Variants in SETBP1 observed in about 807,000 individuals in gnomAD.
The protein encoded by SETBP1 is SET binding protein 1.
In SETBP1, 9 loss-of-function variants were observed where a neutral mutation model predicts 101.0. The observed-to-expected ratio is 0.09, with a 90% CI of 0.05 to 0.16. The LOEUF is 0.16. Ranked by LOEUF, SETBP1 falls within the 10% of genes least tolerant of loss-of-function variation. The pLI is 1.00. For missense variants in SETBP1, 1,858 were observed against 2,033.8 expected (o/e 0.91, Z 1.66); for synonymous variants, 818 against 788.5 (o/e 1.04, Z -0.63).
intron 2 of SETBP1, among the ~76,000 whole-genome samples, chr18:44,776,079 C>G (rs991010451): frequency 6.6e-6 from 1 of 152,186 alleles, no homozygotes; most frequent in African/African-American, 2.4e-5. Context: ...GTGTGGCTAT[C>G]TGTGTGTAGC....
At chr18:44,851,602 G>A (rs1364617198) in intron 2 of SETBP1, among the ~76,000 whole-genome samples, 2 of 152,052 alleles carry the variant, frequency 1.3e-5, no homozygotes, top group East Asian at 3.9e-4. Flanking sequence ...CTCTCTCCTG[G>A]TCTCTTCCTT....
chr18:44,829,805 C>T (rs1443763757), intron 2 of SETBP1, among the ~76,000 whole-genome samples: 1 of 152,180 alleles, frequency 6.6e-6, no homozygotes, highest in Non-Finnish European at 1.5e-5. Flanking sequence ...TGGCCATGCT[C>T]AAGGCCAGAT....
chr18:44,869,555 T>G, intron 3 of SETBP1: 1 of 412,000 alleles, frequency 2.4e-6, no homozygotes, highest in Non-Finnish European at 4.6e-6. Flanking sequence ...TGTTAAGTGT[T>G]GGGGATTCAG....
At chr18:44,691,964 C>T (rs2068941985) in intron 1 of SETBP1, among the ~76,000 whole-genome samples, 2 of 152,240 alleles carry the variant, frequency 1.3e-5, no homozygotes, top group African/African-American at 4.8e-5. Flanking sequence ...TGTGGAATTC[C>T]TGACTGTACC....
chr18:44,961,759 C>T (rs538095544), intron 4 of SETBP1, among the ~76,000 whole-genome samples: 2 of 152,326 alleles, frequency 1.3e-5, no homozygotes, highest in East Asian at 3.9e-4. Flanking sequence ...CTCACAGACA[C>T]ACAGGCACAT....
At chr18:44,782,466 G>C (rs904177496) in intron 2 of SETBP1, among the ~76,000 whole-genome samples, 4 of 152,106 alleles carry the variant, frequency 2.6e-5, no homozygotes, top group African/African-American at 9.7e-5. Context: ...ACCTCATAGA[G>C]GAAGGAAAGA....
At chr18:44,942,009 T>C (rs2145051324) in intron 3 of SETBP1, among the ~76,000 whole-genome samples, 1 of 152,336 alleles carries the variant, frequency 6.6e-6, no homozygotes, top group African/African-American at 2.4e-5. Context: ...GTGTTCTGGA[T>C]ATTGTGGATG....
chr18:44,988,878 A>T (rs1237085671), intron 4 of SETBP1: 3 of 152,218 alleles, frequency 2.0e-5, no homozygotes, highest in Non-Finnish European at 2.9e-5. Context: ...GCAGGGTCAA[A>T]ATAGGTACTT....
At chr18:44,983,764 A>G (rs886211474) in intron 4 of SETBP1, among the ~76,000 whole-genome samples, 2 of 152,178 alleles carry the variant, frequency 1.3e-5, no homozygotes, top group South Asian at 2.1e-4. Context: ...CTGTGATGGT[A>G]TGGAACTTTG....
chr18:44,782,932 G>C (rs1413095803), intron 2 of SETBP1, among the ~76,000 whole-genome samples: 1 of 151,992 alleles, frequency 6.6e-6, no homozygotes, highest in Non-Finnish European at 1.5e-5. Flanking sequence ...TTAATTTTTG[G>C]GGGTACGTAG....
chr18:44,893,046 G>T (rs1373099090), intron 3 of SETBP1, among the ~76,000 whole-genome samples: 1 of 152,040 alleles, frequency 6.6e-6, no homozygotes, highest in East Asian at 1.9e-4. Context: ...TGCCATCTAG[G>T]ATTATGATGA....
At chr18:44,748,494 A>G (rs1297810145) in intron 2 of SETBP1, among the ~76,000 whole-genome samples, 4 of 152,196 alleles carry the variant, frequency 2.6e-5, no homozygotes, top group African/African-American at 7.2e-5. Context: ...TTTCCTAACA[A>G]AACTTCAGGA....
chr18:44,714,582 C>A (rs1313384244), intron 2 of SETBP1, among the ~76,000 whole-genome samples: 11 of 151,726 alleles, frequency 7.2e-5, no homozygotes, highest in Admixed American at 7.2e-4. Context: ...TTAGAAACAT[C>A]TGAAATCTTG....
intron 4 of SETBP1, among the ~76,000 whole-genome samples, chr18:45,011,355 A>G (rs1458483704): frequency 3.3e-5 from 5 of 152,206 alleles, no homozygotes; most frequent in Non-Finnish European, 5.9e-5. Flanking sequence ...TGGTGCAGGA[A>G]TTCTCAAAGC....
At chr18:44,746,824 C>G (rs2070262230) in intron 2 of SETBP1, among the ~76,000 whole-genome samples, 1 of 152,074 alleles carries the variant, frequency 6.6e-6, no homozygotes, top group Admixed American at 6.6e-5. Context: ...TCTGGTATGG[C>G]CGTGAGGACA....
intron 1 of SETBP1, among the ~76,000 whole-genome samples, chr18:44,682,380 G>A (rs2144081817): frequency 6.6e-6 from 1 of 152,298 alleles, no homozygotes; most frequent in East Asian, 1.9e-4. Context: ...CACCCCAGCT[G>A]GGATGGGAAG....
intron 2 of SETBP1, among the ~76,000 whole-genome samples, chr18:44,828,802 A>G (rs2072294031): frequency 6.6e-6 from 1 of 152,244 alleles, no homozygotes; most frequent in African/African-American, 2.4e-5. Context: ...GGATTAGTGC[A>G]TTTATTAGAA....
chr18:45,016,971 C>T lies in SETBP1; in HGVS notation c.4001-21514C>T, dbSNP rs545657445. On this transcript the variant is annotated intron_variant, in intron 4 of 5. Transcript: ENST00000649279. The stretch of plus-strand genomic sequence containing the variant: ...GAAGTGTCATCTTTTAATTTTTCCC[C>T]CTCCATTGGAATTGCTGTACCCACC... 2.0e-3 allele frequency among the ~76,000 whole-genome samples: 311 copies of T among 152,230 alleles called. 5 individuals carry two copies. Among genetic ancestry groups the T allele is most frequent in the African/African-American group, 7.2e-3 (297 of 41,536 alleles).
chr18:45,028,079 T>C (rs1387830006), intron 4 of SETBP1, among the ~76,000 whole-genome samples: 1 of 152,144 alleles, frequency 6.6e-6, no homozygotes, highest in Non-Finnish European at 1.5e-5. Context: ...GTTACGTATG[T>C]ATACGTGTGC....
Sources: gnomAD v4.1 joint callset for allele counts (sites outside exome capture counted in the v4.1 genomes callset) on GRCh38, gnomAD v4.1.1 for gene constraint, MANE v1.5 for transcripts, NCBI Gene and HGNC (gene_info 2026-07-23, HGNC 2026-07-21) for gene names.